PRKN: variants seen among roughly 807,000 people sequenced by gnomAD.
PRKN encodes parkin RBR E3 ubiquitin protein ligase.
Under a neutral mutation model 59.5 loss-of-function variants are expected in PRKN, and 56 were observed. That is an observed-to-expected ratio of 0.94 (90% CI 0.76 to 1.18). The LOEUF is 1.18. Ranked by LOEUF, PRKN falls within the 50% of genes most tolerant of loss-of-function variation. The probability of loss-of-function intolerance (pLI) is 0.00; values close to 1 mark genes in which losing one functional copy is unlikely to be tolerated. For missense variants in PRKN, 657 were observed against 596.4 expected, an observed-to-expected ratio of 1.10 and a Z score of -1.06; for synonymous variants, 250 against 222.1, an observed-to-expected ratio of 1.13 and a Z score of -1.12.
At chr6:162,001,847 CT>C (rs35789599) in intron 5 of PRKN, among the ~76,000 whole-genome samples, 51,196 of 116,418 alleles carry the variant, frequency 0.44, 10,460 homozygotes, top group East Asian at 0.55. Context: ...TTGCAAATAG[CT>C]TTTTTTTTTT....
intron 6 of PRKN, among the ~76,000 whole-genome samples, chr6:161,828,321 G>T (rs1467976450): frequency 6.6e-6 from 1 of 152,114 alleles, no homozygotes; most frequent in Admixed American, 6.5e-5. Flanking sequence ...CCTACATAAA[G>T]CACCAAAATA....
At chr6:161,726,403 T>C (rs1787441905) in intron 7 of PRKN, among the ~76,000 whole-genome samples, 1 of 152,210 alleles carries the variant, frequency 6.6e-6, no homozygotes, top group Non-Finnish European at 1.5e-5. Context: ...AAGTAACCTA[T>C]GTCGTGAAAG....
At position 161,509,829 on chromosome 6, in the gene PRKN, G is replaced by A. The variant is rs1028646587; in HGVS notation, c.1083+39025C>T. Among the ~76,000 whole-genome samples the A allele has an allele frequency of 3.6e-5, 5 of 139,840 alleles. No individual in the cohort carries two copies. The South Asian group carries it at 6.8e-4, about 19-fold the overall frequency. 91.7% of individuals were successfully genotyped at this position (139,840 alleles called of 152,430 possible). On this transcript the variant is annotated intron_variant, in intron 9 of 11. Transcript: ENST00000366898. ...CAGGAGGCAGAGGTTGCAGTGAGCC[G>A]AGATTGTGCCACTGTACTCCAGCCT... is the stretch of plus-strand genomic sequence containing the variant.
At position 161,466,239 on chromosome 6, in the gene PRKN, T is replaced by G. The variant is rs373333014; in HGVS notation, c.1084-79362A>C. On this transcript the variant is annotated intron_variant, in intron 9 of 11. Transcript: ENST00000366898. This position sits in a 1 kb window ranked among gnomAD's most constrained non-coding sequence, Gnocchi z 5.0. ...CTCTTCAAGATCATTGATACTTACCTCTTCTGCTCAGTCTTCTGTTAACCT... is the reference window on the plus strand; with the variant it reads ...CTCTTCAAGATCATTGATACTTACCGCTTCTGCTCAGTCTTCTGTTAACCT... Among the ~76,000 whole-genome samples the G allele has an allele frequency of 2.0e-5, 3 of 152,242 alleles. No homozygotes were observed. The highest frequency in any genetic ancestry group is 3.8e-4 in the East Asian group (2 of 5,204).
rs764517469 is a variant in PRKN, at chr6:162,255,383, CA to C, written c.412+7141del. Among the ~76,000 whole-genome samples, 70 of 152,290 alleles carry C rather than the reference CA, an allele frequency of 4.6e-4. 1 individual carries two copies. Among genetic ancestry groups the C allele is most frequent in the Non-Finnish European group, 9.3e-4 (63 of 68,026 alleles). The stretch of plus-strand genomic sequence containing the variant: ...TAGGCCCTTGTCACGAAGTATCTGA[CA>C]TCAACTTCATGAGTTAGGTACTTTT... On this transcript the variant is annotated intron_variant, in intron 3 of 11. Transcript: ENST00000366898.
chr6:162,690,769 A>G (rs1182524637), intron 1 of PRKN, among the ~76,000 whole-genome samples: 3 of 152,174 alleles, frequency 2.0e-5, no homozygotes, highest in African/African-American at 2.4e-5. Context: ...GATACTAACT[A>G]GGTCAGATCA....
At position 162,047,624 on chromosome 6, in the gene PRKN, TG is replaced by T. The variant is rs1777438390; in HGVS notation, c.618+6466del. Among the ~76,000 whole-genome samples, 6 of 150,856 alleles carry T rather than the reference TG, an allele frequency of 4.0e-5. No individual in the cohort carries two copies. The South Asian group carries it at 1.3e-3, about 31-fold the overall frequency. On this transcript the variant is annotated intron_variant, in intron 5 of 11. Coordinates refer to ENST00000366898, the MANE Select transcript of PRKN (RefSeq NM_004562.3). ...TGAGTCTCATTTTCTGTGATTCTAA[TG>T]AAGTCTAAAACAACAATAAAAACAG...
chr6:161,817,998 A>G (rs576699875), intron 6 of PRKN, among the ~76,000 whole-genome samples: 4 of 152,346 alleles, frequency 2.6e-5, no homozygotes, highest in Admixed American at 2.0e-4. Flanking sequence ...CGTAGGAGCC[A>G]TGGAAACAGA....
At chr6:162,235,841 G>A (rs1778634125) in intron 3 of PRKN, among the ~76,000 whole-genome samples, 1 of 148,596 alleles carries the variant, frequency 6.7e-6, no homozygotes, top group South Asian at 2.2e-4. Context: ...AGGGAGGGAG[G>A]AAAGGAGGGA....
At chr6:162,307,047 T>G (rs1335748545) in intron 2 of PRKN, among the ~76,000 whole-genome samples, 1 of 152,188 alleles carries the variant, frequency 6.6e-6, no homozygotes, top group Non-Finnish European at 1.5e-5. Context: ...CACCCACCTA[T>G]AGGTCACATT....
At chr6:162,333,506 A>G (rs1783685883) in intron 2 of PRKN, among the ~76,000 whole-genome samples, 1 of 152,136 alleles carries the variant, frequency 6.6e-6, no homozygotes, top group Non-Finnish European at 1.5e-5. Flanking sequence ...GTGATGTATG[A>G]TCCACGATCA....
intron 3 of PRKN, among the ~76,000 whole-genome samples, chr6:162,215,703 G>A (rs1777616635): frequency 6.6e-6 from 1 of 152,064 alleles, no homozygotes; most frequent in Admixed American, 6.6e-5. Context: ...TTGGAGTTGA[G>A]GATGAAGCTT....
chr6:161,730,341 G>T (rs923555766), intron 7 of PRKN, among the ~76,000 whole-genome samples: 116 of 150,870 alleles, frequency 7.7e-4, no homozygotes, highest in Non-Finnish European at 1.9e-4. Flanking sequence ...CTGAAGTGTT[G>T]CATTCTTTCT....
Position 162,122,804 on chromosome 6 carries a change from A to G in PRKN, c.535-68630T>C, listed in dbSNP as rs539702491. Among the ~76,000 whole-genome samples, 103 of 152,094 alleles carry G rather than the reference A, an allele frequency of 6.8e-4. 1 individual carries two copies. Among genetic ancestry groups the G allele is most frequent in the South Asian group, 2.3e-3 (11 of 4,816 alleles). On this transcript the variant is annotated intron_variant, in intron 4 of 11. Coordinates refer to ENST00000366898, the MANE Select transcript of PRKN (RefSeq NM_004562.3). ...TTATATATGCGCTGACCCAGCAACC[A>G]ATATATGGTGCTGCTTCTCTCACTG...
chr6:162,373,489 A>G (rs1160794365), intron 2 of PRKN, among the ~76,000 whole-genome samples: 2 of 152,164 alleles, frequency 1.3e-5, no homozygotes, highest in Non-Finnish European at 2.9e-5. Flanking sequence ...AACACGGGTA[A>G]GGGATTGATT....
chr6:162,599,292 C>T (rs576339573), intron 1 of PRKN, among the ~76,000 whole-genome samples: 202 of 152,186 alleles, frequency 1.3e-3, no homozygotes, highest in African/African-American at 4.4e-3. Context: ...TGGCTAGTCC[C>T]GGCAACCAGT....
chr6:162,700,631 TTAAG>T (rs1309041190), intron 1 of PRKN, among the ~76,000 whole-genome samples: 1 of 152,138 alleles, frequency 6.6e-6, no homozygotes, highest in Non-Finnish European at 1.5e-5. Context: ...ATAATAGGTA[TTAAG>T]TGTTAACATC....
intron 9 of PRKN, among the ~76,000 whole-genome samples, chr6:161,431,272 C>A (rs1046862058): frequency 1.3e-5 from 2 of 151,980 alleles, no homozygotes; most frequent in Non-Finnish European, 1.5e-5. Context: ...AAACCTTGAG[C>A]CACTGAAGAA....
At chr6:161,696,827 AATG>A (rs1418855441) in intron 7 of PRKN, among the ~76,000 whole-genome samples, 1 of 152,230 alleles carries the variant, frequency 6.6e-6, no homozygotes, top group Non-Finnish European at 1.5e-5. Context: ...TATTGTAAAA[AATG>A]ATATTTGCAT....
Sources: gnomAD v4.1 joint callset for allele counts (sites outside exome capture counted in the v4.1 genomes callset) on GRCh38, gnomAD v4.1.1 for gene constraint, Gnocchi (gnomAD v3.1) non-coding constraint, MANE v1.5 for transcripts, NCBI Gene and HGNC (gene_info 2026-07-23, HGNC 2026-07-21) for gene names.